PWWP2A: variants seen among roughly 807,000 people sequenced by gnomAD.
PWWP2A encodes the protein PWWP domain containing 2A, also known as PWWP domain-containing protein 2A.
A neutral mutation model predicts 48.5 loss-of-function variants in PWWP2A; 18 were observed. The observed-to-expected ratio is 0.37, with a 90% CI of 0.26 to 0.55. The LOEUF (loss-of-function observed/expected upper bound fraction) is 0.55. Among genes scored for constraint, PWWP2A ranks in the 20% least tolerant of loss-of-function variants. The pLI, the probability that PWWP2A is intolerant of heterozygous loss-of-function variation, is 0.81. For missense variants in PWWP2A, 867 were observed against 976.4 expected, an observed-to-expected ratio of 0.89 and a Z score of 1.49; for synonymous variants, 396 against 387.7, an observed-to-expected ratio of 1.02 and a Z score of -0.25.
intron 3 of PWWP2A, among the ~76,000 whole-genome samples, chr5:160,079,392 T>C (rs1754068623): frequency 6.6e-6 from 1 of 151,496 alleles, no homozygotes; most frequent in African/African-American, 2.4e-5. Flanking sequence ...TAGGGACAAA[T>C]ACTACACACA....
chr5:160,045,455 CACACACACACACACA>C, the PWWP2A span, among the ~76,000 whole-genome samples: 1 of 7,756 alleles, frequency 1.3e-4, no homozygotes, highest in Non-Finnish European at 2.4e-4. Flanking sequence ...CCCCACCCTC[CACACACACACACACA>C]CACACACACA....
intron 1 of PWWP2A, among the ~76,000 whole-genome samples, chr5:160,114,756 C>G (rs533179706): frequency 3.1e-5 from 4 of 130,706 alleles, no homozygotes; most frequent in Admixed American, 1.7e-4. Context: ...GAGCGAGACT[C>G]TGTCTCAAGG....
chr5:160,065,883 A>G (rs1010095149), intron 4 of PWWP2A, among the ~76,000 whole-genome samples: 3 of 152,224 alleles, frequency 2.0e-5, no homozygotes, highest in Non-Finnish European at 2.9e-5. Flanking sequence ...ATTCTTTTAA[A>G]CTACATGAAC....
intron 1 of PWWP2A, among the ~76,000 whole-genome samples, chr5:160,105,218 ACAGAGACTCTGTCTC>A (rs1756742589): frequency 1.4e-5 from 2 of 145,830 alleles, no homozygotes; most frequent in South Asian, 4.6e-4. Context: ...AGCCTGAGCA[ACAGAGACTCTGTCTC>A]TAAGGCAAAA....
the PWWP2A span, among the ~76,000 whole-genome samples, chr5:160,045,522 T>A: frequency 0.01 from 677 of 66,412 alleles, 1 homozygote; most frequent in Non-Finnish European, 0.012. Flanking sequence ...ACATACACAC[T>A]CTCTCTCTCT....
At chr5:160,111,077 T>C (rs1439100691) in intron 1 of PWWP2A, among the ~76,000 whole-genome samples, 2 of 151,926 alleles carry the variant, frequency 1.3e-5, no homozygotes, top group African/African-American at 2.4e-5. Flanking sequence ...CCTACCACTG[T>C]GGGAGGGCAA....
At chr5:160,090,880 T>C (rs1476219540), downstream of PWWP2A, 3 of 984,688 alleles carry the variant, frequency 3.0e-6, no homozygotes, top group African/African-American at 3.5e-5. Flanking sequence ...TCACTACTAA[T>C]ACAAAGCTAA....
At chr5:160,101,101 A>G (rs564172826) in intron 1 of PWWP2A, among the ~76,000 whole-genome samples, 47 of 152,352 alleles carry the variant, frequency 3.1e-4, no homozygotes, top group Non-Finnish European at 5.3e-4. Context: ...CTGTAATCCC[A>G]GCACTCTGGG....
At chr5:160,104,122 C>CAAAAAAAAAAAA (rs70990703) in intron 1 of PWWP2A, among the ~76,000 whole-genome samples, 10 of 61,734 alleles carry the variant, frequency 1.6e-4, no homozygotes, top group Admixed American at 4.7e-4. Flanking sequence ...GACTCTGTCT[C>CAAAAAAAAAAAA]AAAAAAAAAA....
intron 1 of PWWP2A, among the ~76,000 whole-genome samples, chr5:160,102,151 C>T (rs542600421): frequency 1.4e-5 from 2 of 141,406 alleles, no homozygotes; most frequent in Non-Finnish European, 3.1e-5. Flanking sequence ...TAATGGCTCA[C>T]GCTTGTAACA....
Position 160,092,567 on chromosome 5 carries a change from A to G in PWWP2A, c.2083T>C (p.Trp695Arg), listed in dbSNP as rs1755190107. 1.3e-6 allele frequency: 2 copies of G among 1,551,540 alleles called. No individual in the cohort carries two copies. The part of the protein sequence containing the change: ...LLVRQEARIS[W>R]FGSPTTSFLA... The stretch of plus-strand genomic sequence containing the variant: ...AAAGATGTTGTTGGAGACCCAAACC[A>G]TGAAATACGGGCCTCCTGTCGGACT... Residue 695 changes from tryptophan to arginine, a missense_variant, in exon 2 of 2, where the codon TGG (tryptophan) becomes CGG (arginine). This residue lies in a region of PWWP2A where 97 missense variants were observed against 151.7 expected (regional missense o/e 0.64). Coordinates refer to ENST00000307063, the MANE Select transcript of PWWP2A (RefSeq NM_001130864.2).
At chr5:160,072,728 C>CATAAATAA (rs34064564), downstream of PWWP2A, among the ~76,000 whole-genome samples, 66 of 151,012 alleles carry the variant, frequency 4.4e-4, no homozygotes, top group East Asian at 0.011. Flanking sequence ...GACTCCGTCT[C>CATAAATAA]ATAAATAAAT....
chr5:160,064,582 C>T (rs1333601170), intron 4 of PWWP2A, among the ~76,000 whole-genome samples: 1 of 152,192 alleles, frequency 6.6e-6, no homozygotes, highest in Non-Finnish European at 1.5e-5. Flanking sequence ...TTGAGCCTCA[C>T]TGGAACAGCA....
the PWWP2A span, among the ~76,000 whole-genome samples, chr5:160,045,475 C>T: frequency 3.8e-5 from 4 of 104,824 alleles, no homozygotes; most frequent in Admixed American, 1.2e-4. Context: ...CACACACACA[C>T]ACACACACAC....
the PWWP2A span, among the ~76,000 whole-genome samples, chr5:160,045,316 T>A: frequency 6.6e-6 from 1 of 152,130 alleles, no homozygotes; most frequent in South Asian, 2.1e-4. Flanking sequence ...TTTTCCGCAT[T>A]TGTTTTTGGA....
intron 1 of PWWP2A, among the ~76,000 whole-genome samples, chr5:160,114,911 C>T (rs1297785642): frequency 1.3e-5 from 2 of 151,374 alleles, no homozygotes; most frequent in African/African-American, 4.9e-5. Context: ...GAGGCCGAGG[C>T]GGATCACGAA....
At chr5:160,072,175 T>A (rs563359002), downstream of PWWP2A, among the ~76,000 whole-genome samples, 25 of 152,326 alleles carry the variant, frequency 1.6e-4, no homozygotes, top group African/African-American at 5.5e-4. Flanking sequence ...AAGCTATAAT[T>A]TGCAATCACT....
At chr5:160,101,805 T>G (rs1756328276) in intron 1 of PWWP2A, among the ~76,000 whole-genome samples, 1 of 144,074 alleles carries the variant, frequency 6.9e-6, no homozygotes, top group Admixed American at 6.9e-5. Flanking sequence ...GAACCAACTA[T>G]TAAAAAAAAA....
At chr5:160,102,110 C>CAA (rs61608471) in intron 1 of PWWP2A, among the ~76,000 whole-genome samples, 6 of 58,996 alleles carry the variant, frequency 1.0e-4, no homozygotes, top group South Asian at 5.2e-4. Flanking sequence ...AACTTGGTGT[C>CAA]AAAAAAAAAA....
Sources: allele counts gnomAD v4.1 joint callset (sites outside exome capture counted in the v4.1 genomes callset), GRCh38; gene constraint gnomAD v4.1.1; regional missense constraint gnomAD v4.1.1; transcripts MANE v1.5; gene names NCBI Gene and HGNC (gene_info 2026-07-23, HGNC 2026-07-21).